Variants in NELL1 observed in about 807,000 individuals in gnomAD.
NELL1 encodes the protein protein kinase C-binding protein NELL1.
NELL1 carries 76 observed loss-of-function variants against 107.4 expected under a neutral mutation model. The observed-to-expected ratio is 0.71, with a 90% CI of 0.59 to 0.86. The LOEUF is 0.86. Ranked by LOEUF, NELL1 falls within the 40% of genes least tolerant of loss-of-function variation. The pLI, the probability that NELL1 is intolerant of heterozygous loss-of-function variation, is 0.00. For synonymous variants in NELL1, 353 were observed against 341.2 expected, an observed-to-expected ratio of 1.03 and a Z score of -0.38; for missense variants, 1,024 against 1,005.5, an observed-to-expected ratio of 1.02 and a Z score of -0.25.
intron 7 of NELL1, among the ~76,000 whole-genome samples, chr11:20,922,239 A>G (rs554190796): frequency 1.2e-4 from 18 of 152,204 alleles, no homozygotes; most frequent in African/African-American, 3.6e-4. Context: ...CATTGCATCA[A>G]AAATCTTCAG....
At chr11:21,326,329 C>T (rs1012638080) in intron 14 of NELL1, among the ~76,000 whole-genome samples, 10 of 151,272 alleles carry the variant, frequency 6.6e-5, no homozygotes, top group African/African-American at 1.7e-4. Flanking sequence ...CAACGATTTG[C>T]GGTATTTCAC....
intron 2 of NELL1, among the ~76,000 whole-genome samples, chr11:20,778,151 A>G (rs1256068829): frequency 6.6e-6 from 1 of 152,150 alleles, no homozygotes; most frequent in Non-Finnish European, 1.5e-5. Flanking sequence ...TTTTAGAGTC[A>G]GGTTCAATTA....
intron 15 of NELL1, among the ~76,000 whole-genome samples, chr11:21,488,676 T>G (rs917454002): frequency 6.6e-6 from 1 of 152,114 alleles, no homozygotes; most frequent in African/African-American, 2.4e-5. Flanking sequence ...AACAACGTAT[T>G]CCTAAACAAC....
chr11:20,855,778 A>G (rs769878886), intron 4 of NELL1, among the ~76,000 whole-genome samples: 1 of 152,238 alleles, frequency 6.6e-6, no homozygotes, highest in Admixed American at 6.5e-5. Context: ...ATACACATTC[A>G]TATATTAGTT....
intron 14 of NELL1, among the ~76,000 whole-genome samples, chr11:21,276,580 G>T (rs1014038266): frequency 1.3e-5 from 2 of 152,042 alleles, no homozygotes; most frequent in Admixed American, 6.5e-5. Flanking sequence ...AAAAGAGCCT[G>T]CATTGCCAAG....
intron 12 of NELL1, among the ~76,000 whole-genome samples, chr11:21,075,030 T>G (rs1000005276): frequency 6.6e-6 from 1 of 152,222 alleles, no homozygotes; most frequent in African/African-American, 2.4e-5. Context: ...ACCGACTAGA[T>G]GGATAGTGAC....
At chr11:20,883,164 T>C (rs949447321) in intron 4 of NELL1, among the ~76,000 whole-genome samples, 1 of 152,226 alleles carries the variant, frequency 6.6e-6, no homozygotes, top group Non-Finnish European at 1.5e-5. Context: ...CAGAGCTTCC[T>C]TGGCATCAGG....
chr11:21,026,522 A>C (rs1054454575), intron 12 of NELL1, among the ~76,000 whole-genome samples: 1 of 152,078 alleles, frequency 6.6e-6, no homozygotes, highest in Admixed American at 6.6e-5. Context: ...CTCCACAGCA[A>C]TCATCACTGT....
chr11:20,681,215 A>C (rs1483722653), intron 2 of NELL1, among the ~76,000 whole-genome samples: 3 of 152,100 alleles, frequency 2.0e-5, no homozygotes, highest in Non-Finnish European at 2.9e-5. Flanking sequence ...CTTTTTGCTT[A>C]ACAGCTCTTC....
intron 2 of NELL1, among the ~76,000 whole-genome samples, chr11:20,687,204 C>A (rs1854328422): frequency 6.6e-6 from 1 of 151,362 alleles, no homozygotes; most frequent in Non-Finnish European, 1.5e-5. Flanking sequence ...GAGATTTTTT[C>A]TTATTATTTA....
chr11:21,166,255 A>G (rs1856479610), intron 13 of NELL1, among the ~76,000 whole-genome samples: 1 of 151,522 alleles, frequency 6.6e-6, no homozygotes, highest in Non-Finnish European at 1.5e-5. Context: ...AGTGGGGGTG[A>G]GAAAAGGGGA....
chr11:20,805,996 T>C (rs327049), intron 3 of NELL1, among the ~76,000 whole-genome samples: 151,071 of 152,308 alleles, frequency 0.99, 74,939 homozygotes, highest in Middle Eastern at 1. Context: ...ATGTTTTTGT[T>C]TTTCTACTTA....
chr11:21,000,002 G>A (rs768765831), intron 12 of NELL1, among the ~76,000 whole-genome samples: 7 of 151,988 alleles, frequency 4.6e-5, no homozygotes, highest in Non-Finnish European at 8.8e-5. Flanking sequence ...TCTTTGGATG[G>A]GGATGTCTCA....
chr11:20,886,261 T>A (rs541345017), intron 5 of NELL1, among the ~76,000 whole-genome samples: 17 of 152,058 alleles, frequency 1.1e-4, no homozygotes, highest in South Asian at 6.2e-4. Context: ...AAATTTTTTT[T>A]AAAAAAACTG....
chr11:20,813,006 C>CAAAAAAAAAAAAAA (rs869187456), intron 3 of NELL1, among the ~76,000 whole-genome samples: 5 of 61,272 alleles, frequency 8.2e-5, no homozygotes, highest in African/African-American at 2.8e-4. Context: ...GACTCCGTCT[C>CAAAAAAAAAAAAAA]AAAAAAAAAA....
chr11:20,928,776 T>A (rs1850555849), intron 9 of NELL1, among the ~76,000 whole-genome samples: 1 of 152,052 alleles, frequency 6.6e-6, no homozygotes, highest in Non-Finnish European at 1.5e-5. Context: ...GTCCAACAAG[T>A]GGGTGAGGCT....
At chr11:21,377,065 G>C (rs555750031) in intron 15 of NELL1, among the ~76,000 whole-genome samples, 102 of 152,148 alleles carry the variant, frequency 6.7e-4, no homozygotes, top group African/African-American at 2.4e-3. Flanking sequence ...GCTCTGGTTA[G>C]CACCTCCAAT....
chr11:21,278,706 T>C (rs1848925261), intron 14 of NELL1, among the ~76,000 whole-genome samples: 1 of 152,186 alleles, frequency 6.6e-6, no homozygotes, highest in Non-Finnish European at 1.5e-5. Flanking sequence ...ATGTCAGTTC[T>C]ACCAAATTTG....
At chr11:21,145,508 G>C (rs1376744815) in intron 13 of NELL1, among the ~76,000 whole-genome samples, 1 of 152,192 alleles carries the variant, frequency 6.6e-6, no homozygotes, top group Non-Finnish European at 1.5e-5. Context: ...AAATTAACCA[G>C]ATATCAGATG....
Sources: gnomAD v4.1 joint callset for allele counts (sites outside exome capture counted in the v4.1 genomes callset) on GRCh38, gnomAD v4.1.1 for gene constraint, MANE v1.5 for transcripts, NCBI Gene and HGNC (gene_info 2026-07-23, HGNC 2026-07-21) for gene names.